Variants in PPP2R2B observed in about 807,000 individuals in gnomAD.
The protein encoded by PPP2R2B is serine/threonine-protein phosphatase 2A 55 kDa regulatory subunit B beta isoform.
Under a neutral mutation model 46.0 loss-of-function variants are expected in PPP2R2B, and 5 were observed. That is an observed-to-expected ratio of 0.11 (90% CI 0.06 to 0.23). The LOEUF (loss-of-function observed/expected upper bound fraction) is 0.23, where lower values mean the gene tolerates loss of function less well. Ranked by LOEUF, PPP2R2B falls within the 10% of genes least tolerant of loss-of-function variation. The pLI, the probability that PPP2R2B is intolerant of heterozygous loss-of-function variation, is 1.00. For missense variants in PPP2R2B, 367 were observed against 575.0 expected, an observed-to-expected ratio of 0.64 and a Z score of 3.70; for synonymous variants, 215 against 206.7, an observed-to-expected ratio of 1.04 and a Z score of -0.34.
At position 146,636,641 on chromosome 5, in the gene PPP2R2B, C is replaced by T. The variant is rs759534453; in HGVS notation, c.790+1610G>A. ...CCCACCAGAACTGTATTTGGTGGAACAGCTTAAGAAGGACTGGATACTATG... is the reference window on the plus strand; with the variant it reads ...CCCACCAGAACTGTATTTGGTGGAATAGCTTAAGAAGGACTGGATACTATG... On this transcript the variant is annotated intron_variant, in intron 7 of 9. Transcript: ENST00000394411. Among the ~76,000 whole-genome samples the T allele has an allele frequency of 4.6e-5, 7 of 152,262 alleles. No individual in the cohort carries two copies. The East Asian group carries it at 1.4e-3, about 29-fold the overall frequency.
intron 2 of PPP2R2B, among the ~76,000 whole-genome samples, chr5:146,758,876 A>G (rs1478508180): frequency 6.6e-6 from 1 of 152,186 alleles, no homozygotes; most frequent in South Asian, 2.1e-4. Context: ...TCCTGTCTCT[A>G]CAGACCCCTA....
At chr5:146,868,734 A>G (rs1451675112) in intron 2 of PPP2R2B, among the ~76,000 whole-genome samples, 2 of 152,194 alleles carry the variant, frequency 1.3e-5, no homozygotes, top group Non-Finnish European at 2.9e-5. Flanking sequence ...TGATTGATTC[A>G]GAAGAATATT....
chr5:147,055,841 T>C (rs1298788568), exon 1 of PPP2R2B: 1 of 1,504,968 alleles, frequency 6.6e-7, no homozygotes, highest in Non-Finnish European at 8.9e-7. Context: ...CCAATATGTT[T>C]ATGTAGGTTC....
chr5:146,738,762 A>G (rs1484369834), intron 2 of PPP2R2B, among the ~76,000 whole-genome samples: 1 of 152,208 alleles, frequency 6.6e-6, no homozygotes, highest in Non-Finnish European at 1.5e-5. Flanking sequence ...GGGAGGATAT[A>G]GGTAGAGTTC....
At chr5:146,750,391 T>G (rs1753483145) in intron 2 of PPP2R2B, among the ~76,000 whole-genome samples, 1 of 152,234 alleles carries the variant, frequency 6.6e-6, no homozygotes, top group African/African-American at 2.4e-5. Flanking sequence ...TGGGAAGAAT[T>G]AACATCTTTG....
At chr5:146,948,518 A>T (rs1379338246) in intron 1 of PPP2R2B, among the ~76,000 whole-genome samples, 1 of 152,148 alleles carries the variant, frequency 6.6e-6, no homozygotes, top group Non-Finnish European at 1.5e-5. Flanking sequence ...ACAAAAATAT[A>T]AATGTAACAA....
At chr5:146,795,225 G>A (rs1756450777) in intron 2 of PPP2R2B, among the ~76,000 whole-genome samples, 1 of 152,022 alleles carries the variant, frequency 6.6e-6, no homozygotes, top group African/African-American at 2.4e-5. Flanking sequence ...CTATCTTGAA[G>A]AGACATGTAA....
chr5:147,061,627 G>T (rs977160766), intron 2 of PPP2R2B, among the ~76,000 whole-genome samples: 2 of 152,176 alleles, frequency 1.3e-5, no homozygotes, highest in East Asian at 1.9e-4. Flanking sequence ...AGTCTGGACT[G>T]ATGATTCAGC....
chr5:146,919,684 C>T (rs1763524438), intron 1 of PPP2R2B: 1 of 152,180 alleles, frequency 6.6e-6, no homozygotes, highest in Non-Finnish European at 1.5e-5. Flanking sequence ...AAGGACTCAC[C>T]TGCCACAACT....
At chr5:146,770,776 A>C (rs1211015350) in intron 2 of PPP2R2B, among the ~76,000 whole-genome samples, 1 of 152,208 alleles carries the variant, frequency 6.6e-6, no homozygotes, top group Non-Finnish European at 1.5e-5. Context: ...AAGAGTTGTC[A>C]GTAAAGCAGG....
At chr5:146,877,801 C>T (rs536340088) in intron 2 of PPP2R2B, among the ~76,000 whole-genome samples, 1 of 152,334 alleles carries the variant, frequency 6.6e-6, no homozygotes, top group Non-Finnish European at 1.5e-5. Flanking sequence ...GCCGGGTCCA[C>T]CTGCTGCTGA....
At chr5:146,865,443 A>G (rs966158508) in intron 2 of PPP2R2B, among the ~76,000 whole-genome samples, 1 of 152,196 alleles carries the variant, frequency 6.6e-6, no homozygotes, top group African/African-American at 2.4e-5. Context: ...CAAAATTTTC[A>G]TAATGAACAT....
chr5:146,620,433 G>A (rs929161648), intron 7 of PPP2R2B, among the ~76,000 whole-genome samples: 2 of 152,198 alleles, frequency 1.3e-5, no homozygotes, highest in African/African-American at 4.8e-5. Flanking sequence ...GCAGGCAGCC[G>A]TAAGGGAGGC....
chr5:146,757,562 GGGTGTCTGGAA>G (rs1324658605), intron 2 of PPP2R2B, among the ~76,000 whole-genome samples: 2 of 152,242 alleles, frequency 1.3e-5, no homozygotes, highest in East Asian at 3.9e-4. Context: ...GGACATGCAG[GGGTGTCTGGAA>G]AACATAGATG....
intron 1 of PPP2R2B, among the ~76,000 whole-genome samples, chr5:146,961,463 T>C (rs1752170626): frequency 6.6e-6 from 1 of 152,216 alleles, no homozygotes; most frequent in African/African-American, 2.4e-5. Context: ...ACTTTAAATA[T>C]TATTTTTGAT....
At chr5:146,730,159 T>C (rs1752141206) in intron 2 of PPP2R2B, among the ~76,000 whole-genome samples, 1 of 152,188 alleles carries the variant, frequency 6.6e-6, no homozygotes. Context: ...AAGGAGATCA[T>C]TTTGGAGCTT....
chr5:147,031,194 G>A (rs1755763172), intron 1 of PPP2R2B, among the ~76,000 whole-genome samples: 1 of 151,260 alleles, frequency 6.6e-6, no homozygotes, highest in Admixed American at 6.6e-5. Context: ...CTGAGATCAC[G>A]CCATGGCACT....
At chr5:146,699,398 G>A (rs973784004) in intron 3 of PPP2R2B, among the ~76,000 whole-genome samples, 1 of 152,078 alleles carries the variant, frequency 6.6e-6, no homozygotes, top group Non-Finnish European at 1.5e-5. Context: ...TGGCCACAAA[G>A]CTTAACGCTT....
chr5:146,849,671 T>C (rs903033140), intron 2 of PPP2R2B, among the ~76,000 whole-genome samples: 1 of 152,186 alleles, frequency 6.6e-6, no homozygotes, highest in African/African-American at 2.4e-5. Flanking sequence ...AGTGCTTTTA[T>C]TCAACCCAGT....
Sources: gnomAD v4.1 joint callset for allele counts (sites outside exome capture counted in the v4.1 genomes callset) on GRCh38, gnomAD v4.1.1 for gene constraint, MANE v1.5 for transcripts, NCBI Gene and HGNC (gene_info 2026-07-23, HGNC 2026-07-21) for gene names.